MX2: variants seen among roughly 807,000 people sequenced by gnomAD.
MX2 encodes interferon-induced GTP-binding protein Mx2.
In MX2, 51 loss-of-function variants were observed where a neutral mutation model predicts 74.0. That is an observed-to-expected ratio of 0.69 (90% confidence interval 0.55 to 0.87). The LOEUF (loss-of-function observed/expected upper bound fraction) is 0.87. Among genes scored for constraint, MX2 ranks in the 40% least tolerant of loss-of-function variants. The pLI is 0.00. For synonymous variants in MX2, 369 were observed against 339.3 expected (o/e 1.09, Z -0.96); for missense variants, 832 against 908.7 (o/e 0.92, Z 1.09).
intron 10 of MX2, chr21:41,401,598 A>G (rs2089815140): frequency 6.2e-6 from 1 of 160,016 alleles, no homozygotes; most frequent in South Asian, 1.6e-4. Context: ...CTGGTCTCGG[A>G]CTCCTGGCCT....
chr21:41,375,391 G>A (rs536450512), intron 1 of MX2, among the ~76,000 whole-genome samples: 9 of 152,360 alleles, frequency 5.9e-5, no homozygotes, highest in Middle Eastern at 3.4e-3. Context: ...CCACAGACTG[G>A]GTGGCTTAGA....
In MX2 at chr21:41,377,120, C is replaced by T. The variant is rs773708167; in HGVS notation, c.214C>T (p.Pro72Ser). The change falls in exon 2 of 14, where the codon CCA becomes TCA. Residue 72 changes from proline (P) to serine (S), a missense_variant. Coordinates refer to ENST00000330714, the MANE Select transcript of MX2 (RefSeq NM_002463.2). ...DFNFLTLNNQ[P>S]PPGNRSQPRA... ...CAACTTTCTCACTTTGAACAATCAGCCACCACCAGGAAACAGGAGCCAACC... is the reference window on the plus strand; with the variant it reads ...CAACTTTCTCACTTTGAACAATCAGTCACCACCAGGAAACAGGAGCCAACC... The T allele has an allele frequency of 1.9e-6, 3 of 1,614,182 alleles. No homozygotes were observed. In the South Asian group the frequency reaches 3.3e-5, roughly 18 times the overall value.
chr21:41,376,397 C>G (rs543872065), intron 1 of MX2, among the ~76,000 whole-genome samples: 2 of 152,230 alleles, frequency 1.3e-5, no homozygotes, highest in South Asian at 4.1e-4. Context: ...ACAAAAAAAA[C>G]TAGCTGGGCA....
chr21:41,384,555 T>C (rs1233320252), intron 5 of MX2, among the ~76,000 whole-genome samples: 1 of 152,234 alleles, frequency 6.6e-6, no homozygotes, highest in Non-Finnish European at 1.5e-5. Flanking sequence ...AGCTCATAAT[T>C]ACAGCCACGT....
At chr21:41,383,795 G>A (rs912004761) in intron 5 of MX2, among the ~76,000 whole-genome samples, 2 of 152,178 alleles carry the variant, frequency 1.3e-5, no homozygotes, top group East Asian at 3.8e-4. Context: ...AGGGAAATTA[G>A]CTCGTATCAC....
intron 2 of MX2, 86 bp downstream of exon 2, chr21:41,377,241 A>C: frequency 6.5e-7 from 1 of 1,548,324 alleles, no homozygotes; most frequent in Non-Finnish European, 8.7e-7. Flanking sequence ...ACAATAATAG[A>C]ACCAGCCAGT....
chr21:41,373,426 T>C (rs933735744), intron 1 of MX2, among the ~76,000 whole-genome samples: 5 of 151,916 alleles, frequency 3.3e-5, no homozygotes, highest in African/African-American at 1.2e-4. Flanking sequence ...AGAGCAGGGG[T>C]GGGAGCGGTC....
In MX2 at chr21:41,380,875, CT is replaced by C. The variant is rs2089480933; in HGVS notation, c.577+725del. Among the ~76,000 whole-genome samples, 1 of 152,218 alleles carries C rather than the reference CT, an allele frequency of 6.6e-6. No individual in the cohort carries two copies. The highest frequency in any genetic ancestry group is 1.5e-5 in the Non-Finnish European group (1 of 68,028). On this transcript the variant is annotated intron_variant, in intron 4 of 13. Coordinates refer to ENST00000330714, the MANE Select transcript of MX2 (RefSeq NM_002463.2). This position sits in a 1 kb window ranked among gnomAD's most constrained non-coding sequence, Gnocchi z 4.3. ...CTCAACCTCCCTAAAGGCTTCTCCC[CT>C]ATCCTGCCTGCACAGCCTGTCCTGG...
rs761473630 is a variant in MX2, at chr21:41,380,051, G to C, written c.477G>C (p.Leu159=). 5.0e-6 allele frequency: 8 copies of C among 1,614,056 alleles called. No individual in the cohort carries two copies. In the South Asian group the frequency reaches 8.8e-5, roughly 18 times the overall value. Residue 159 remains leucine (L), a synonymous_variant, in exon 4 of 14, where the codon CTG becomes CTC. Transcript: ENST00000330714. This position sits in a 1 kb window ranked among gnomAD's most constrained non-coding sequence, Gnocchi z 4.3. ...CCAGGTGTCCGCTGGTGCTGAAACT[G>C]AAAAAGCAGCCCTGTGAGGCATGGG... ...IVTRCPLVLK[L]KKQPCEAWAG...
rs747953470 is a variant in MX2, at chr21:41,382,402, C to T, written c.578-8C>T. 5.6e-6 allele frequency: 9 copies of T among 1,613,072 alleles called. No homozygotes were observed. The Admixed American group carries it at 1.0e-4, about 18-fold the overall frequency. On this transcript the variant is annotated splice_region_variant and splice_polypyrimidine_tract_variant and intron_variant, in intron 4 of 13. Coordinates refer to ENST00000330714, the MANE Select transcript of MX2 (RefSeq NM_002463.2). ...GGCTCTGGGTTTCTCCCCTCCTGGCCTCCATAGCCCAGAACGTCATGGCCG... is the reference window on the plus strand; with the variant it reads ...GGCTCTGGGTTTCTCCCCTCCTGGCTTCCATAGCCCAGAACGTCATGGCCG...
At chr21:41,407,274 T>G (rs2089899737) in intron 13 of MX2, among the ~76,000 whole-genome samples, 1 of 152,214 alleles carries the variant, frequency 6.6e-6, no homozygotes, top group Non-Finnish European at 1.5e-5. Context: ...TCCTTATATT[T>G]CTTATGCGGT....
At chr21:41,400,102 A>G (rs116443733) in intron 10 of MX2, among the ~76,000 whole-genome samples, 73 of 152,252 alleles carry the variant, frequency 4.8e-4, no homozygotes, top group African/African-American at 1.7e-3. Context: ...CCAGGCACGG[A>G]GCCTTCATTA....
rs748685661 is a variant in MX2 at position 41,399,255 on chromosome 21, G to A, written c.1332G>A (p.Arg444=). The A allele has an allele frequency of 2.4e-5, 38 of 1,613,742 alleles. No individual in the cohort carries two copies. The Admixed American group carries it at 6.3e-4, about 27-fold the overall frequency. Residue 444 remains arginine, a synonymous_variant, in exon 10 of 14, where the codon AGG becomes AGA. Coordinates refer to ENST00000330714, the MANE Select transcript of MX2 (RefSeq NM_002463.2). ...TAGTAGAAGGAGAAGAAGTTGTAAGGGAGAATGAGACCCGTTTATACAACA... is the reference window on the plus strand; with the variant it reads ...TAGTAGAAGGAGAAGAAGTTGTAAGAGAGAATGAGACCCGTTTATACAACA... ...EKLVEGEEVV[R]ENETRLYNKI... is the part of the protein sequence containing the mutation.
Position 41,402,551 on chromosome 21 carries a change from A to G in MX2, c.1573+423A>G, listed in dbSNP as rs966465302. ...AGCGGTCCCCAGTCTTTATGGCACC[A>G]GAGACTGCTTTCATGGAAGACAATT... is the stretch of plus-strand genomic sequence containing the variant. On this transcript the variant is annotated intron_variant, in intron 11 of 13. Transcript: ENST00000330714. This position sits in a 1 kb window ranked among gnomAD's most constrained non-coding sequence, Gnocchi z 4.5. 5 of 172,914 alleles carry G rather than the reference A, an allele frequency of 2.9e-5. No individual in the cohort carries two copies. The highest frequency in any genetic ancestry group is 1.2e-4 in the African/African-American group (5 of 42,154). 10.7% of individuals were successfully genotyped at this position (172,914 alleles called of 1,614,324 possible).
chr21:41,379,798 C>T (rs2089463164), intron 3 of MX2, among the ~76,000 whole-genome samples: 4 of 152,208 alleles, frequency 2.6e-5, no homozygotes, highest in Admixed American at 2.6e-4. Context: ...GGTGCTTACT[C>T]CGGCAGCGAA....
rs745736502 is a variant in MX2 at position 41,395,832 on chromosome 21, G to C, written c.1070+47G>C. 18 of 1,595,750 alleles carry C rather than the reference G, an allele frequency of 1.1e-5. No individual in the cohort carries two copies. In the South Asian group the frequency reaches 2.0e-4, roughly 18 times the overall value. Reference sequence around the variant, plus strand: ...CTGGAATTAGACTCCATGAAAGCCAGCCCATCTGCAAGAGTTGGCCCAGAT... The same window carrying C: ...CTGGAATTAGACTCCATGAAAGCCACCCCATCTGCAAGAGTTGGCCCAGAT... On this transcript the variant is annotated intron_variant, in intron 7 of 13. Coordinates refer to ENST00000330714, the MANE Select transcript of MX2 (RefSeq NM_002463.2).
intron 5 of MX2, among the ~76,000 whole-genome samples, chr21:41,386,063 G>A (rs2089568887): frequency 6.6e-6 from 1 of 151,724 alleles, no homozygotes; most frequent in Non-Finnish European, 1.5e-5. Context: ...CACTTTGAGA[G>A]GCCGAGGCGG....
intron 12 of MX2, among the ~76,000 whole-genome samples, chr21:41,405,135 C>G (rs1033134661): frequency 2.0e-5 from 3 of 151,914 alleles, no homozygotes; most frequent in African/African-American, 7.2e-5. Context: ...CCGGTGAAAC[C>G]CTTGTCTCTA....
At chr21:41,396,672 A>G (rs531123347) in intron 7 of MX2, among the ~76,000 whole-genome samples, 8 of 152,294 alleles carry the variant, frequency 5.3e-5, no homozygotes, top group African/African-American at 1.9e-4. Context: ...AGCACTCAGT[A>G]AACACCACCC....
Sources: gnomAD v4.1 joint callset for allele counts (sites outside exome capture counted in the v4.1 genomes callset) on GRCh38, gnomAD v4.1.1 for gene constraint, Gnocchi (gnomAD v3.1) non-coding constraint, MANE v1.5 for transcripts, NCBI Gene and HGNC (gene_info 2026-07-23, HGNC 2026-07-21) for gene names.